GFM2: variants seen among roughly 807,000 people sequenced by gnomAD.
GFM2 encodes the protein ribosome-releasing factor 2, mitochondrial.
In GFM2, 72 loss-of-function variants were observed where a neutral mutation model predicts 95.4. That is an observed-to-expected ratio of 0.76 (90% CI 0.62 to 0.92). GFM2 has a LOEUF of 0.92. Ranked by LOEUF, GFM2 falls within the 40% of genes least tolerant of loss-of-function variation. The probability of loss-of-function intolerance (pLI) is 0.00; values close to 1 mark genes in which losing one functional copy is unlikely to be tolerated. For synonymous variants in GFM2, 276 were observed against 317.5 expected (o/e 0.87, Z 1.39); for missense variants, 825 against 924.1 (o/e 0.89, Z 1.39).
At chr5:74,731,835 T>A (rs1358412425) in intron 16 of GFM2, among the ~76,000 whole-genome samples, 2 of 151,700 alleles carry the variant, frequency 1.3e-5, no homozygotes, top group Non-Finnish European at 1.5e-5. Flanking sequence ...AAGTTTTCAG[T>A]GGTTATTCTG....
intron 19 of GFM2, 69 bp from the exon 20 acceptor site, chr5:74,722,630 T>G (rs1749960367): frequency 7.7e-7 from 1 of 1,296,686 alleles, no homozygotes; most frequent in South Asian, 1.4e-5. Flanking sequence ...AGCCTAGAGC[T>G]CATACAAAAA....
chr5:74,740,105 A>T lies in GFM2; in HGVS notation c.963T>A (p.Ala321=), dbSNP rs1171933252. The change falls in exon 12 of 21, where the codon GCT becomes GCA. Residue 321 remains alanine, a synonymous_variant. Transcript: ENST00000296805. The stretch of plus-strand genomic sequence containing the variant: ...CACAAAGCACAGGCACTGCTGTCTG[A>T]GCTAGTGTCACTCTATGTATTGCAG... ...LQTAIHRVTL[A]QTAVPVLCGS... is the part of the protein sequence containing the mutation. 2.5e-6 allele frequency: 4 copies of T among 1,606,014 alleles called. No individual in the cohort carries two copies. The East Asian group carries it at 9.0e-5, about 36-fold the overall frequency.
chr5:74,759,670 TAC>T (rs1341441922), intron 3 of GFM2, among the ~76,000 whole-genome samples: 1 of 152,010 alleles, frequency 6.6e-6, no homozygotes, highest in Non-Finnish European at 1.5e-5. Context: ...CTCAGAAAAA[TAC>T]AGATTCACCC....
intron 17 of GFM2, among the ~76,000 whole-genome samples, chr5:74,727,381 C>T (rs985500303): frequency 2.6e-5 from 4 of 151,930 alleles, no homozygotes; most frequent in Non-Finnish European, 5.9e-5. Context: ...CAATAGTTTA[C>T]TTCTGCTTCA....
Position 74,738,416 on chromosome 5 carries a change from C to A in GFM2, c.1222G>T (p.Glu408Ter). The change falls in exon 14 of 21, where the codon GAG (glutamate) becomes TAG (stop). Residue 408 changes from glutamate (E) to a stop codon, truncating the protein, a stop_gained and splice_region_variant. Coordinates refer to ENST00000296805, the MANE Select transcript of GFM2 (RefSeq NM_032380.5). LOFTEE classifies it high-confidence loss of function. ...AIHNINGNCT[E>*]RISRLLLPFA... ...GGCAAAAGCAGACGACTTATTCTCT[C>A]CCTGTAAAATCACAATTTTATGTTA... 1 of 1,612,842 alleles carries A rather than the reference C, an allele frequency of 6.2e-7. No individual in the cohort carries two copies. Among genetic ancestry groups the A allele is most frequent in the Non-Finnish European group, 8.5e-7 (1 of 1,179,408 alleles).
At chr5:74,741,454 C>T (rs1364528264) in intron 11 of GFM2, 75 bp downstream of exon 11, 1 of 691,644 alleles carries the variant, frequency 1.4e-6, no homozygotes, top group African/African-American at 1.9e-5. Context: ...AAAATGCACA[C>T]ACATCAAAGG....
rs770418085 is a variant in GFM2 at position 74,760,936 on chromosome 5, A to T, written c.114T>A (p.His38Gln). Residue 38 changes from histidine to glutamine, a missense_variant, in exon 3 of 21, where the codon CAT (histidine) becomes CAA (glutamine). Physicochemically the swap from His to Gln is conservative, Grantham distance 24. Transcript: ENST00000296805. ...AACTGCAATTTCTTCCAAGCGGCAC[A>T]TGTGGCTTTAATCTTTTTAAACTTG... ...IRASLKRLKPHVPLGRNCSSL... is the reference protein window; with the variant it reads ...IRASLKRLKPQVPLGRNCSSL... The T allele has an allele frequency of 6.2e-7, 1 of 1,611,188 alleles. No individual in the cohort carries two copies. Among genetic ancestry groups the T allele is most frequent in the South Asian group, 1.1e-5 (1 of 90,872 alleles).
chr5:74,743,068 T>A (rs1579994800), intron 10 of GFM2, among the ~76,000 whole-genome samples: 1 of 152,174 alleles, frequency 6.6e-6, no homozygotes. Flanking sequence ...TCCATATACA[T>A]TAATTAAACA....
chr5:74,761,091 A>T, intron 2 of GFM2, 105 bp from the exon 3 acceptor site: 1 of 680,644 alleles, frequency 1.5e-6, no homozygotes, highest in Admixed American at 2.7e-5. Context: ...TATTTTGTAT[A>T]GCTTTAAAGT....
chr5:74,723,389 A>G (rs1265171914), intron 19 of GFM2, among the ~76,000 whole-genome samples: 1 of 152,150 alleles, frequency 6.6e-6, no homozygotes, highest in African/African-American at 2.4e-5. Flanking sequence ...TTTCTTCTCC[A>G]AACACTTCTA....
At chr5:74,745,992 A>G (rs1351727098) in intron 9 of GFM2, 113 bp downstream of exon 9, 5 of 1,064,466 alleles carry the variant, frequency 4.7e-6, no homozygotes. Flanking sequence ...GGCTATTTCT[A>G]TTTATACCCC....
chr5:74,747,772 A>T lies in GFM2; in HGVS notation c.528T>A (p.Thr176=). The change falls in exon 8 of 21, where the codon ACT becomes ACA. Residue 176 remains threonine, a synonymous_variant. Transcript: ENST00000296805. ...FDASAGVEAQ[T]LTVWRQADKH... ...TATCAGCTTGCCTCCATACTGTGAGAGTCTGGGCCTAAAGCAAAGATGAGG... is the reference window on the plus strand; with the variant it reads ...TATCAGCTTGCCTCCATACTGTGAGTGTCTGGGCCTAAAGCAAAGATGAGG... 1 of 1,601,894 alleles carries T rather than the reference A, an allele frequency of 6.2e-7. No homozygotes were observed. Among genetic ancestry groups the T allele is most frequent in the Non-Finnish European group, 8.5e-7 (1 of 1,170,834 alleles).
At chr5:74,739,022 T>C (rs1410261354) in intron 12 of GFM2, among the ~76,000 whole-genome samples, 1 of 152,128 alleles carries the variant, frequency 6.6e-6, no homozygotes, top group Non-Finnish European at 1.5e-5. Flanking sequence ...TTTCTGTCCA[T>C]TACATAACCA....
rs145221708 is a variant in GFM2, at chr5:74,736,922, C to G, written c.1384G>C (p.Glu462Gln). The change falls in exon 15 of 21, where the codon GAA (glutamate) becomes CAA (glutamine). Residue 462 changes from glutamate to glutamine, a missense_variant. By Grantham distance (29) the Glu-to-Gln change is conservative. Transcript: ENST00000296805. ...SSALAAARRA[E>Q]REGEKKHRQN... ...CTGTGCTTCTTTTCTCCCTCCCGTT[C>G]GGCTCTACGAGCTGCAGCTAATGCA... 5.6e-6 allele frequency: 9 copies of G among 1,613,618 alleles called. No homozygotes were observed. In the Admixed American group the frequency reaches 6.7e-5, roughly 12 times the overall value.
chr5:74,739,391 G>T (rs1447677010), intron 12 of GFM2, among the ~76,000 whole-genome samples: 1 of 152,062 alleles, frequency 6.6e-6, no homozygotes. Flanking sequence ...GCATTTTATA[G>T]ATGAGATGTT....
chr5:74,765,756 G>A (rs1744548724), intron 1 of GFM2, among the ~76,000 whole-genome samples: 1 of 152,110 alleles, frequency 6.6e-6, no homozygotes, highest in African/African-American at 2.4e-5. Flanking sequence ...CAGCACTTTG[G>A]GAGGCCGAGG....
chr5:74,730,651 G>T, intron 16 of GFM2: 1 of 294,058 alleles, frequency 3.4e-6, no homozygotes, highest in African/African-American at 2.2e-5. Flanking sequence ...TGCTGGGCAA[G>T]TAGCATCTGG....
chr5:74,736,442 A>G, intron 15 of GFM2: 1 of 984,560 alleles, frequency 1.0e-6, no homozygotes, highest in Non-Finnish European at 1.2e-6. Flanking sequence ...GTAAAACAGC[A>G]TTTTTATACA....
In GFM2 at chr5:74,747,791, G is replaced by A. The variant is rs1238984543; in HGVS notation, c.520-11C>T. On this transcript the variant is annotated splice_polypyrimidine_tract_variant and intron_variant, in intron 7 of 20. Coordinates refer to ENST00000296805, the MANE Select transcript of GFM2 (RefSeq NM_032380.5). ...TGTGAGAGTCTGGGCCTAAAGCAAA[G>A]ATGAGGAAAAAAATACATACTGAAC... 2 of 1,527,192 alleles carry A rather than the reference G, an allele frequency of 1.3e-6. No individual in the cohort carries two copies. 94.6% of individuals were successfully genotyped at this position (1,527,192 alleles called of 1,614,324 possible).
Sources: allele counts gnomAD v4.1 joint callset (sites outside exome capture counted in the v4.1 genomes callset), GRCh38; gene constraint gnomAD v4.1.1; transcripts MANE v1.5; gene names NCBI Gene and HGNC (gene_info 2026-07-23, HGNC 2026-07-21).